Variants in BPIFB1 observed in about 807,000 individuals in gnomAD.
BPIFB1 encodes BPI fold containing family B member 1, also known as BPI fold-containing family B member 1.
BPIFB1 carries 34 observed loss-of-function variants against 55.1 expected under a neutral mutation model. The ratio of observed to expected loss-of-function variants is 0.62; its 90% confidence interval spans 0.47 to 0.82. The LOEUF is 0.82. Ranked by LOEUF, BPIFB1 falls within the 40% of genes least tolerant of loss-of-function variation. The pLI is 0.00. For synonymous variants in BPIFB1, 236 were observed against 245.3 expected (o/e 0.96, Z 0.35); for missense variants, 532 against 593.1 (o/e 0.90, Z 1.07).
intron 6 of BPIFB1, among the ~76,000 whole-genome samples, chr20:33,296,553 G>A (rs1040092978): frequency 2.6e-5 from 4 of 152,162 alleles, no homozygotes; most frequent in African/African-American, 9.7e-5. Flanking sequence ...AGCCTTGGTG[G>A]TACTGACATT....
rs1237320515 is a variant in BPIFB1 at position 33,307,125 on chromosome 20, C to T, written c.1395+138C>T. The T allele has an allele frequency of 1.2e-5, 8 of 693,210 alleles. No homozygotes were observed. The Admixed American group carries it at 1.4e-4, about 12-fold the overall frequency. 42.9% of individuals were successfully genotyped at this position (693,210 alleles called of 1,614,324 possible). ...AGTCCCTTCCCCTCTCAGGGCCTCACCTCCTCATCTGCAAGTGAGAAGGTT... is the reference window on the plus strand; with the variant it reads ...AGTCCCTTCCCCTCTCAGGGCCTCATCTCCTCATCTGCAAGTGAGAAGGTT... On this transcript the variant is annotated intron_variant, in intron 15 of 15. Coordinates refer to ENST00000253354, the MANE Select transcript of BPIFB1 (RefSeq NM_033197.3).
intron 9 of BPIFB1, 37 bp downstream of exon 9, chr20:33,301,449 A>G (rs1193730521): frequency 3.2e-6 from 5 of 1,582,440 alleles, no homozygotes; most frequent in Non-Finnish European, 3.5e-6. Context: ...AGGGCCGCCC[A>G]GGCCACATCA....
At chr20:33,290,492 A>G (rs1316312241) in intron 4 of BPIFB1, among the ~76,000 whole-genome samples, 1 of 152,070 alleles carries the variant, frequency 6.6e-6, no homozygotes, top group Admixed American at 6.5e-5. Context: ...GATTCTGGAT[A>G]TGTTTTGGAG....
At chr20:33,307,043 C>T in intron 15 of BPIFB1, 56 bp downstream of exon 15, 1 of 1,536,602 alleles carries the variant, frequency 6.5e-7, no homozygotes, top group Non-Finnish European at 9.0e-7. Flanking sequence ...CCACTGAGAG[C>T]CCTGGCTGGG....
rs3746393 is a variant in BPIFB1, at chr20:33,286,015, C to T, written c.-41-18C>T. 0.22 allele frequency: 342,126 copies of T among 1,539,474 alleles called. 39,647 individuals carry two copies. Among genetic ancestry groups the T allele is most frequent in the Admixed American group, 0.37 (22,315 of 59,514 alleles). ...GCCCTTGGCCCCTCTGCCTCAGGTC[C>T]CTCTGTGCTCACCCCAGGTCTGGCA... On this transcript the variant is annotated intron_variant, in intron 1 of 15. Coordinates refer to ENST00000253354, the MANE Select transcript of BPIFB1 (RefSeq NM_033197.3).
In BPIFB1 at chr20:33,287,341, T is replaced by A. The variant is rs187198245; in HGVS notation, c.115+1153T>A. On this transcript the variant is annotated intron_variant, in intron 2 of 15. Transcript: ENST00000253354. Reference sequence around the variant, plus strand: ...TGCATGTCCAAGCCAGTTACCACTGTGGCGACTGAAGCTCAGTCCTGCCTA... The same window carrying A: ...TGCATGTCCAAGCCAGTTACCACTGAGGCGACTGAAGCTCAGTCCTGCCTA... 3.9e-5 allele frequency among the ~76,000 whole-genome samples: 6 copies of A among 152,360 alleles called. No homozygotes were observed. In the East Asian group the frequency reaches 1.2e-3, roughly 29 times the overall value.
intron 8 of BPIFB1, among the ~76,000 whole-genome samples, chr20:33,300,210 G>A (rs1455801625): frequency 6.6e-6 from 1 of 152,052 alleles, no homozygotes; most frequent in Non-Finnish European, 1.5e-5. Flanking sequence ...ACATGGGGGG[G>A]CCCGAGTGGG....
chr20:33,290,128 C>G, intron 4 of BPIFB1, 136 bp downstream of exon 4: 1 of 681,584 alleles, frequency 1.5e-6, no homozygotes, highest in Non-Finnish European at 2.6e-6. Context: ...GGCCCTGTGG[C>G]AGCAGTGTAC....
chr20:33,302,337 C>A, intron 9 of BPIFB1, 22 bp from the exon 10 acceptor site: 1 of 1,613,856 alleles, frequency 6.2e-7, no homozygotes, highest in Non-Finnish European at 8.5e-7. Flanking sequence ...AACTGACCTT[C>A]TCTGGCTCCT....
chr20:33,288,144 G>A (rs575516991), intron 2 of BPIFB1, among the ~76,000 whole-genome samples: 17 of 152,240 alleles, frequency 1.1e-4, no homozygotes, highest in Non-Finnish European at 1.3e-4. Context: ...TGCTCCTGGG[G>A]CATCAGCTCT....
intron 14 of BPIFB1, chr20:33,306,465 C>T (rs1378442353): frequency 3.0e-6 from 1 of 336,118 alleles, no homozygotes; most frequent in African/African-American, 2.1e-5. Flanking sequence ...CGTAGAAGTA[C>T]CTTCTTCAGA....
chr20:33,300,400 T>G (rs1980807941), intron 8 of BPIFB1, among the ~76,000 whole-genome samples: 1 of 152,204 alleles, frequency 6.6e-6, no homozygotes, highest in Non-Finnish European at 1.5e-5. Context: ...TCAGTTTCCT[T>G]GTCTGCAAAA....
chr20:33,307,562 C>G (rs1409045423), intron 15 of BPIFB1: 1 of 155,248 alleles, frequency 6.4e-6, no homozygotes, highest in Non-Finnish European at 1.4e-5. Flanking sequence ...CTGTGGGTAG[C>G]TGGGAGAAGT....
chr20:33,309,821 G>T lies in BPIFB1; in HGVS notation c.*54G>T. 2 of 1,495,146 alleles carry T rather than the reference G, an allele frequency of 1.3e-6. No individual in the cohort carries two copies. The highest frequency in any genetic ancestry group is 1.7e-4 in the Middle Eastern group (1 of 5,758). The allele number at this position is 1,495,146 out of a possible 1,614,324, so 92.6% of individuals were successfully genotyped here. On this transcript the variant is annotated 3_prime_UTR_variant, in exon 16 of 16. Transcript: ENST00000253354. The surrounding 1 kb of genome is among the most constrained non-coding windows in gnomAD (Gnocchi z 4.4). ...CTGGGTCCCAGCTGGGAGTATGGGT[G>T]TGAGCTCTATAGACCATCCCTCTCT...
intron 13 of BPIFB1, 111 bp downstream of exon 13, chr20:33,305,002 C>A: frequency 8.0e-7 from 1 of 1,244,066 alleles, no homozygotes; most frequent in Non-Finnish European, 1.2e-6. Context: ...ACAGAAGCAC[C>A]ATGGGGGGCT....
intron 14 of BPIFB1, 96 bp downstream of exon 14, chr20:33,306,161 TC>T: frequency 7.8e-7 from 1 of 1,275,050 alleles, no homozygotes; most frequent in Non-Finnish European, 1.1e-6. Context: ...TTCATTCATC[TC>T]CCAGCCATCC....
At position 33,306,785 on chromosome 20, in the gene BPIFB1, G is replaced by A. The variant is rs888079523; in HGVS notation, c.1319-126G>A. ...GCTGGGGCCAGAGAACAGGCGAGCAGAGGCAGAGGGGGCTGTCTGATCAGG... is the reference window on the plus strand; with the variant it reads ...GCTGGGGCCAGAGAACAGGCGAGCAAAGGCAGAGGGGGCTGTCTGATCAGG... On this transcript the variant is annotated intron_variant, in intron 14 of 15. Transcript: ENST00000253354. 15 of 776,558 alleles carry A rather than the reference G, an allele frequency of 1.9e-5. No individual in the cohort carries two copies. In the African/African-American group the frequency reaches 2.4e-4, roughly 12 times the overall value. 48.1% of individuals were successfully genotyped at this position (776,558 alleles called of 1,614,324 possible).
Position 33,293,608 on chromosome 20 carries a change from C to T in BPIFB1, c.597+1620C>T, listed in dbSNP as rs562514038. On this transcript the variant is annotated intron_variant, in intron 6 of 15. Coordinates refer to ENST00000253354, the MANE Select transcript of BPIFB1 (RefSeq NM_033197.3). ...ATCTCAGCACTTTGGCAGGTCGAGG[C>T]GGGAGGATCACTTGAGCCCAGGATT... Among the ~76,000 whole-genome samples, 36 of 152,190 alleles carry T rather than the reference C, an allele frequency of 2.4e-4. No homozygotes were observed. The South Asian group carries it at 4.2e-3, about 18-fold the overall frequency.
chr20:33,290,032 CT>C, intron 4 of BPIFB1, 40 bp downstream of exon 4: 1 of 1,484,612 alleles, frequency 6.7e-7, no homozygotes, highest in Non-Finnish European at 9.4e-7. Flanking sequence ...GCTTGACAGG[CT>C]CATCTGCTCG....
Sources: gnomAD v4.1 joint callset for allele counts (sites outside exome capture counted in the v4.1 genomes callset) on GRCh38, gnomAD v4.1.1 for gene constraint, Gnocchi (gnomAD v3.1) non-coding constraint, MANE v1.5 for transcripts, NCBI Gene and HGNC (gene_info 2026-07-23, HGNC 2026-07-21) for gene names.